ACSL1: variants seen among roughly 807,000 people sequenced by gnomAD.
ACSL1 encodes long-chain-fatty-acid--CoA ligase 1.
In ACSL1, 41 loss-of-function variants were observed where a neutral mutation model predicts 98.4. The observed-to-expected ratio is 0.42, with a 90% CI of 0.32 to 0.54. The LOEUF (loss-of-function observed/expected upper bound fraction) is 0.54, where lower values mean the gene tolerates loss of function less well. Ranked by LOEUF, ACSL1 falls within the 20% of genes least tolerant of loss-of-function variation. The pLI is 0.13. For missense variants in ACSL1, 734 were observed against 883.1 expected, an observed-to-expected ratio of 0.83 and a Z score of 2.14; for synonymous variants, 316 against 322.7, an observed-to-expected ratio of 0.98 and a Z score of 0.22.
chr4:184,806,539 C>CA, intron 1 of ACSL1, among the ~76,000 whole-genome samples: 1 of 152,280 alleles, frequency 6.6e-6, no homozygotes, highest in East Asian at 1.9e-4. Context: ...AGGATCACAT[C>CA]CCTGAGTGAG....
intron 1 of ACSL1, chr4:184,812,074 G>A (rs574177029): frequency 1.6e-6 from 1 of 617,476 alleles, no homozygotes. Context: ...CCCTCTATGA[G>A]AAGCAATCAG....
chr4:184,816,280 A>G (rs1226541605), intron 1 of ACSL1, among the ~76,000 whole-genome samples: 1 of 152,164 alleles, frequency 6.6e-6, no homozygotes, highest in African/African-American at 2.4e-5. Context: ...GGAAGCAACA[A>G]GTGAAATAGG....
chr4:184,820,121 C>A (rs115511796), intron 1 of ACSL1, among the ~76,000 whole-genome samples: 2 of 152,246 alleles, frequency 1.3e-5, no homozygotes, highest in East Asian at 1.9e-4. Flanking sequence ...AAGTCACCCC[C>A]CTCCGATCCC....
intron 5 of ACSL1, among the ~76,000 whole-genome samples, chr4:184,778,807 T>A (rs1305304563): frequency 6.6e-6 from 1 of 152,136 alleles, no homozygotes; most frequent in Non-Finnish European, 1.5e-5. Context: ...TAAAATTCCA[T>A]CAAAACAAAC....
chr4:184,770,970 A>G (rs1764423910), intron 10 of ACSL1, among the ~76,000 whole-genome samples: 1 of 152,142 alleles, frequency 6.6e-6, no homozygotes, highest in Admixed American at 6.5e-5. Flanking sequence ...CTAAAAATAC[A>G]AAAATTAGCC....
rs755249538 is a variant in ACSL1 at position 184,803,428 on chromosome 4, C to A, written c.87G>T (p.Thr29=). 6.8e-6 allele frequency: 11 copies of A among 1,613,872 alleles called. No individual in the cohort carries two copies. In the East Asian group the frequency reaches 2.2e-4, roughly 33 times the overall value. ...CTGCAAAAGCTCCGAAGCCCATAAG[C>A]GTGTTGGTCGGAAGAGTACGCACGT... is the stretch of plus-strand genomic sequence containing the variant. ...RQYVRTLPTN[T]LMGFGAFAAL... The change falls in exon 2 of 21, where the codon ACG becomes ACT. Residue 29 remains threonine (T), a synonymous_variant. Coordinates refer to ENST00000281455, the MANE Select transcript of ACSL1 (RefSeq NM_001995.5). This position sits in a 1 kb window ranked among gnomAD's most constrained non-coding sequence, Gnocchi z 4.8.
In ACSL1 at chr4:184,780,363, A is replaced by T; in HGVS notation, c.446T>A (p.Phe149Tyr). The T allele has an allele frequency of 6.2e-7, 1 of 1,613,922 alleles. No homozygotes were observed. Among genetic ancestry groups the T allele is most frequent in the Middle Eastern group, 1.6e-4 (1 of 6,062 alleles). The change falls in exon 5 of 21, where the codon TTC becomes TAC. Residue 149 changes from phenylalanine (F) to tyrosine (Y), a missense_variant. By Grantham distance (22) the Phe-to-Tyr change is conservative (BLOSUM62 3). Transcript: ENST00000281455. ...TCTATTTTGAGCAAAGATGCCAATG[A>T]ACTGATCTGGGGCAGTCTTGAAGCC... ...QKGFKTAPDQ[F>Y]IGIFAQNRPE...
intron 3 of ACSL1, 114 bp from the exon 4 acceptor site, chr4:184,784,105 C>T: frequency 1.2e-6 from 1 of 804,708 alleles, no homozygotes; most frequent in Non-Finnish European, 2.0e-6. Context: ...CTACTTTAGT[C>T]CTCAGATAAG....
At chr4:184,778,764 T>C (rs72695640) in intron 5 of ACSL1, among the ~76,000 whole-genome samples, 8,155 of 152,284 alleles carry the variant, frequency 0.054, 269 homozygotes, top group Non-Finnish European at 0.075. Context: ...AAGGAACCTA[T>C]TTCTTATTTG....
chr4:184,823,557 T>C (rs1176388884), intron 1 of ACSL1, among the ~76,000 whole-genome samples: 1 of 152,132 alleles, frequency 6.6e-6, no homozygotes, highest in Admixed American at 6.5e-5. Context: ...AGAGGAGAAA[T>C]ACCCAGTTAT....
rs946580843 is a variant in ACSL1 at position 184,825,754 on chromosome 4, C to G, written c.-33+162G>C. Among the ~76,000 whole-genome samples, 2 of 149,734 alleles carry G rather than the reference C, an allele frequency of 1.3e-5. No individual in the cohort carries two copies. Among genetic ancestry groups the G allele is most frequent in the South Asian group, 2.1e-4 (1 of 4,834 alleles). Reference sequence around the variant, plus strand: ...GGAAGCGGGGCCGCGGGCAGGAGGCCGGAAAGGCGGCGCGGCCCCACGAGC... The same window carrying G: ...GGAAGCGGGGCCGCGGGCAGGAGGCGGGAAAGGCGGCGCGGCCCCACGAGC... On this transcript the variant is annotated intron_variant, in intron 1 of 20. Coordinates refer to ENST00000281455, the MANE Select transcript of ACSL1 (RefSeq NM_001995.5). The surrounding 1 kb of genome is among the most constrained non-coding windows in gnomAD (Gnocchi z 4.7).
Position 184,776,570 on chromosome 4 carries a change from T to C in ACSL1, c.670A>G (p.Ile224Val). The C allele has an allele frequency of 1.2e-6, 2 of 1,614,208 alleles. No homozygotes were observed. Among genetic ancestry groups the C allele is most frequent in the Non-Finnish European group, 8.5e-7 (1 of 1,180,032 alleles). Residue 224 changes from isoleucine to valine, a missense_variant, in exon 7 of 21, where the codon ATA becomes GTA. Ile to Val is a conservative substitution (Grantham distance 29). Coordinates refer to ENST00000281455, the MANE Select transcript of ACSL1 (RefSeq NM_001995.5). ...ENKLIPGLKI[I>V]VVMDAYGSEL... is the part of the protein sequence containing the mutation. Reference sequence around the variant, plus strand: ...CTGCCGTAGGCATCCATGACAACTATGATTTTAAGGCCTGGTATTAACTTA... The same window carrying C: ...CTGCCGTAGGCATCCATGACAACTACGATTTTAAGGCCTGGTATTAACTTA...
At chr4:184,812,112 T>C in intron 1 of ACSL1, 2 of 877,288 alleles carry the variant, frequency 2.3e-6, no homozygotes, top group Non-Finnish European at 2.7e-6. Context: ...AGGACTTCTT[T>C]ATTTGTAACC....
intron 14 of ACSL1, 21 bp from the exon 15 acceptor site, chr4:184,764,946 A>T: frequency 6.2e-7 from 1 of 1,611,740 alleles, no homozygotes; most frequent in Non-Finnish European, 8.5e-7. Flanking sequence ...AAGAGATGCA[A>T]CATTATTAAG....
At position 184,817,533 on chromosome 4, in the gene ACSL1, C is replaced by T. The variant is rs192430513; in HGVS notation, c.-33+8383G>A. Reference sequence around the variant, plus strand: ...TTCCATCTCCTGAGCAGCCCTGCAGCCTCTTTGGTGGCTTGCCTGCCTTGT... The same window carrying T: ...TTCCATCTCCTGAGCAGCCCTGCAGTCTCTTTGGTGGCTTGCCTGCCTTGT... On this transcript the variant is annotated intron_variant, in intron 1 of 20. Transcript: ENST00000281455. Among the ~76,000 whole-genome samples, 7 of 152,298 alleles carry T rather than the reference C, an allele frequency of 4.6e-5. No homozygotes were observed. The East Asian group carries it at 1.3e-3, about 29-fold the overall frequency.
At chr4:184,788,457 G>A (rs773467152) in intron 3 of ACSL1, 160 bp downstream of exon 3, 4 of 699,396 alleles carry the variant, frequency 5.7e-6, no homozygotes, top group Non-Finnish European at 1.0e-5. Context: ...AGGGTCCAGT[G>A]AGCTTTGGGA....
In ACSL1 at chr4:184,760,895, A is replaced by C. The variant is rs536131766; in HGVS notation, c.1639-395T>G. Among the ~76,000 whole-genome samples the C allele has an allele frequency of 5.3e-5, 8 of 152,328 alleles. No homozygotes were observed. In the East Asian group the frequency reaches 1.5e-3, roughly 29 times the overall value. ...AGCAGGAACACAACTTTTCCTTCCAAAGTGCTCTGCACAGAGTAAGAGTTC... is the reference window on the plus strand; with the variant it reads ...AGCAGGAACACAACTTTTCCTTCCACAGTGCTCTGCACAGAGTAAGAGTTC... On this transcript the variant is annotated intron_variant, in intron 17 of 20. Transcript: ENST00000281455.
At chr4:184,790,243 A>G (rs573546957) in intron 2 of ACSL1, among the ~76,000 whole-genome samples, 1 of 152,330 alleles carries the variant, frequency 6.6e-6, no homozygotes, top group South Asian at 2.1e-4. Flanking sequence ...TCTTCCTACA[A>G]GCTCTTTTGC....
Position 184,756,871 on chromosome 4 carries a change from G to A in ACSL1, c.*254C>T, listed in dbSNP as rs1762177151. 2.8e-6 allele frequency: 1 copy of A among 352,504 alleles called. No homozygotes were observed. The highest frequency in any genetic ancestry group is 8.5e-5 in the South Asian group (1 of 11,720). 21.8% of individuals were successfully genotyped at this position (352,504 alleles called of 1,614,324 possible). ...TCTCAAATAACTTAGCACATTTATA[G>A]TATCCCCTTTACAATTTTTAAGGCT... On this transcript the variant is annotated 3_prime_UTR_variant, in exon 21 of 21. Transcript: ENST00000281455.
Sources: allele counts gnomAD v4.1 joint callset (sites outside exome capture counted in the v4.1 genomes callset), GRCh38; gene constraint gnomAD v4.1.1; non-coding constraint Gnocchi (gnomAD v3.1); transcripts MANE v1.5; gene names NCBI Gene and HGNC (gene_info 2026-07-23, HGNC 2026-07-21).